FAM135A: variants seen among roughly 807,000 people sequenced by gnomAD.
The protein encoded by FAM135A is protein FAM135A.
A neutral mutation model predicts 146.8 loss-of-function variants in FAM135A; 79 were observed. The ratio of observed to expected loss-of-function variants is 0.54; its 90% CI spans 0.45 to 0.65. FAM135A has a LOEUF of 0.65. FAM135A is among the 30% of genes least tolerant of loss of function. The pLI is 0.00. For missense variants in FAM135A, 1,623 were observed against 1,758.2 expected, an observed-to-expected ratio of 0.92 and a Z score of 1.38; for synonymous variants, 562 against 603.6, an observed-to-expected ratio of 0.93 and a Z score of 1.01.
At chr6:70,470,743 G>A (rs1187095397) in intron 5 of FAM135A, among the ~76,000 whole-genome samples, 1 of 152,204 alleles carries the variant, frequency 6.6e-6, no homozygotes, top group East Asian at 1.9e-4. Flanking sequence ...AGAATCATTG[G>A]AGGCCATTTT....
intron 8 of FAM135A, among the ~76,000 whole-genome samples, chr6:70,479,531 C>T (rs1783300899): frequency 6.6e-6 from 1 of 152,074 alleles, no homozygotes; most frequent in Admixed American, 6.6e-5. Flanking sequence ...GCATCTTTAC[C>T]AGCCTTTCTC....
intron 20 of FAM135A, among the ~76,000 whole-genome samples, chr6:70,555,157 GA>G (rs1306064463): frequency 6.6e-6 from 1 of 152,174 alleles, no homozygotes; most frequent in African/African-American, 2.4e-5. Context: ...AATAAGATCT[GA>G]AGTAGATTGG....
chr6:70,470,350 C>T (rs1472701875), intron 5 of FAM135A, among the ~76,000 whole-genome samples: 1 of 151,672 alleles, frequency 6.6e-6, no homozygotes, highest in Admixed American at 6.6e-5. Flanking sequence ...CACACAAATC[C>T]TACTATTACT....
In FAM135A at chr6:70,525,682, T is replaced by A. The variant is rs1794555227; in HGVS notation, c.2598T>A (p.Asn866Lys). 1 of 1,612,362 alleles carries A rather than the reference T, an allele frequency of 6.2e-7. No homozygotes were observed. The highest frequency in any genetic ancestry group is 2.2e-5 in the East Asian group (1 of 44,868). ...KKSVVPECHL[N>K]DSKTVLNLGT... Reference sequence around the variant, plus strand: ...CTGTTGTACCTGAATGCCATCTAAATGATAGCAAAACTGTATTAAATCTAG... The same window carrying A: ...CTGTTGTACCTGAATGCCATCTAAAAGATAGCAAAACTGTATTAAATCTAG... Residue 866 changes from asparagine to lysine, a missense_variant, in exon 15 of 22, where the codon AAT (asparagine) becomes AAA (lysine). Transcript: ENST00000418814.
At chr6:70,443,585 T>G (rs1003520253) in intron 4 of FAM135A, among the ~76,000 whole-genome samples, 3 of 152,222 alleles carry the variant, frequency 2.0e-5, no homozygotes, top group Non-Finnish European at 2.9e-5. Flanking sequence ...GAAGAGTGAC[T>G]ATATTTTGTT....
intron 5 of FAM135A, among the ~76,000 whole-genome samples, chr6:70,452,997 G>A (rs1777467010): frequency 6.6e-6 from 1 of 151,968 alleles, no homozygotes; most frequent in African/African-American, 2.4e-5. Flanking sequence ...ATGAAACAGA[G>A]CCAAAAGGCA....
At chr6:70,464,373 TTAAA>T (rs977121383) in intron 5 of FAM135A, among the ~76,000 whole-genome samples, 1 of 152,308 alleles carries the variant, frequency 6.6e-6, no homozygotes, top group South Asian at 2.1e-4. Context: ...CATTCATTTA[TTAAA>T]TAAATACTTT....
chr6:70,538,498 TA>T (rs1181911662), intron 20 of FAM135A, 97 bp downstream of exon 20: 68 of 613,582 alleles, frequency 1.1e-4, no homozygotes, highest in African/African-American at 1.7e-4. Context: ...TTCTAGTGGT[TA>T]AAAAAAAGTG....
intron 5 of FAM135A, among the ~76,000 whole-genome samples, chr6:70,462,932 T>C (rs1779688481): frequency 6.6e-6 from 1 of 151,644 alleles, no homozygotes; most frequent in South Asian, 2.1e-4. Context: ...CAGAACCATA[T>C]CTTTCTCCTC....
intron 10 of FAM135A, 32 bp from the exon 11 acceptor site, chr6:70,491,002 G>A: frequency 6.7e-7 from 1 of 1,486,012 alleles, no homozygotes; most frequent in Non-Finnish European, 9.1e-7. Flanking sequence ...ATCTAACATT[G>A]GAATATTTCC....
rs138892062 is a variant in FAM135A, at chr6:70,557,079, C to T, written c.4342+216C>T. ...TAATACTTTCATCTAATTACAAATG[C>T]CTCTCCATTTTGCTGCCTCAGAAGT... is the stretch of plus-strand genomic sequence containing the variant. On this transcript the variant is annotated intron_variant, in intron 21 of 21. Coordinates refer to ENST00000418814, the MANE Select transcript of FAM135A (RefSeq NM_001162529.3). 2.6e-3 allele frequency: 1,474 copies of T among 570,154 alleles called. 3 individuals carry two copies. The highest frequency in any genetic ancestry group is 4.1e-3 in the Middle Eastern group (9 of 2,200). The allele number at this position is 570,154 out of a possible 1,614,324, so 35.3% of individuals were successfully genotyped here.
intron 5 of FAM135A, among the ~76,000 whole-genome samples, chr6:70,471,004 A>G (rs558932304): frequency 6.6e-6 from 1 of 152,352 alleles, no homozygotes; most frequent in South Asian, 2.1e-4. Context: ...AATTTATGAA[A>G]TAGTCATCTA....
chr6:70,475,050 C>A (rs1442043400), intron 5 of FAM135A, among the ~76,000 whole-genome samples: 1 of 152,098 alleles, frequency 6.6e-6, no homozygotes, highest in Non-Finnish European at 1.5e-5. Context: ...GAGCTGAACT[C>A]CTAGCAACCA....
At chr6:70,467,150 A>G (rs1190318498) in intron 5 of FAM135A, among the ~76,000 whole-genome samples, 1 of 152,170 alleles carries the variant, frequency 6.6e-6, no homozygotes, top group Admixed American at 6.5e-5. Flanking sequence ...AAGTCTTTTC[A>G]TTCTACCCTT....
intron 16 of FAM135A, among the ~76,000 whole-genome samples, chr6:70,530,044 A>G (rs1227670785): frequency 1.3e-5 from 2 of 151,976 alleles, no homozygotes; most frequent in Non-Finnish European, 2.9e-5. Flanking sequence ...AGCCTGGGCT[A>G]CAGACTAAGA....
chr6:70,426,760 T>G (rs1462977732), intron 3 of FAM135A: 7 of 152,220 alleles, frequency 4.6e-5, no homozygotes, highest in Admixed American at 3.9e-4. Context: ...AGGTGACACC[T>G]GTATGTGAGT....
intron 12 of FAM135A, chr6:70,504,800 C>G (rs1346517175): frequency 1.3e-5 from 2 of 152,120 alleles, no homozygotes; most frequent in East Asian, 3.9e-4. Flanking sequence ...TAGTGAAACC[C>G]CATCTCTACT....
intron 4 of FAM135A, among the ~76,000 whole-genome samples, chr6:70,435,348 G>A (rs2127852457): frequency 6.6e-6 from 1 of 151,868 alleles, no homozygotes; most frequent in Admixed American, 6.6e-5. Context: ...TAGGTGATCC[G>A]CCCTCCTCGG....
chr6:70,521,828 T>A (rs930529771), intron 12 of FAM135A, among the ~76,000 whole-genome samples: 1 of 152,222 alleles, frequency 6.6e-6, no homozygotes, highest in Non-Finnish European at 1.5e-5. Context: ...AGATTCAACA[T>A]GTATTTATCA....
Sources: allele counts gnomAD v4.1 joint callset (sites outside exome capture counted in the v4.1 genomes callset), GRCh38; gene constraint gnomAD v4.1.1; transcripts MANE v1.5; gene names NCBI Gene and HGNC (gene_info 2026-07-23, HGNC 2026-07-21).